TMEM238L: variants seen among roughly 807,000 people sequenced by gnomAD.
TMEM238L encodes transmembrane protein 238-like.
intron 1 of TMEM238L, among the ~76,000 whole-genome samples, chr17:10,796,765 C>T (rs562129080): frequency 1.3e-5 from 2 of 152,258 alleles, no homozygotes; most frequent in South Asian, 4.1e-4. Context: ...CTGGGAACTT[C>T]CATTTGGGCT....
exon 2 of TMEM238L, chr17:10,795,241 C>A (rs1428560926): frequency 6.6e-6 from 1 of 152,200 alleles, no homozygotes; most frequent in Non-Finnish European, 1.5e-5. Context: ...ATAGCAGAGG[C>A]CTAGCTGGCT....
chr17:10,800,628 G>A (rs1244265747), intron 1 of TMEM238L, among the ~76,000 whole-genome samples: 1 of 152,172 alleles, frequency 6.6e-6, no homozygotes, highest in East Asian at 1.9e-4. Context: ...GCATAGTGCT[G>A]AACAAATATT....
chr17:10,801,052 T>C (rs977490743), intron 1 of TMEM238L, among the ~76,000 whole-genome samples: 7 of 146,764 alleles, frequency 4.8e-5, no homozygotes, highest in African/African-American at 1.5e-4. Flanking sequence ...TCCTTTTTAC[T>C]GTTTTTTTTT....
At chr17:10,803,821 A>C (rs1904818530) in exon 1 of TMEM238L, 2 of 399,742 alleles carry the variant, frequency 5.0e-6, no homozygotes, top group East Asian at 7.1e-5. Flanking sequence ...ACCTGTGTAG[A>C]TGAAGAAGTC....
At chr17:10,800,469 C>A (rs1904703169) in intron 1 of TMEM238L, among the ~76,000 whole-genome samples, 1 of 152,194 alleles carries the variant, frequency 6.6e-6, no homozygotes, top group South Asian at 2.1e-4. Flanking sequence ...AAAACTCTAG[C>A]ATTCTGGAGC....
chr17:10,800,273 G>A (rs947052529), intron 1 of TMEM238L, among the ~76,000 whole-genome samples: 11 of 152,160 alleles, frequency 7.2e-5, no homozygotes, highest in African/African-American at 1.4e-4. Flanking sequence ...AAAATGATTC[G>A]CCCAAGGCCA....
At chr17:10,801,036 A>G (rs1231655469) in intron 1 of TMEM238L, among the ~76,000 whole-genome samples, 1 of 150,722 alleles carries the variant, frequency 6.6e-6, no homozygotes, top group Non-Finnish European at 1.5e-5. Flanking sequence ...TATCTCTTCA[A>G]TGGATTCCTT....
intron 1 of TMEM238L, among the ~76,000 whole-genome samples, chr17:10,801,878 C>T (rs1904758510): frequency 6.6e-6 from 1 of 151,986 alleles, no homozygotes; most frequent in Admixed American, 6.6e-5. Flanking sequence ...GCCTCCTGGG[C>T]TCCAGCAATC....
chr17:10,800,402 A>G (rs1218669181), intron 1 of TMEM238L, among the ~76,000 whole-genome samples: 1 of 152,244 alleles, frequency 6.6e-6, no homozygotes, highest in Non-Finnish European at 1.5e-5. Flanking sequence ...ATGGAGATGC[A>G]GTAAAGAATA....
At chr17:10,803,724 T>C (rs1254403553) in exon 1 of TMEM238L, 2 of 399,372 alleles carry the variant, frequency 5.0e-6, no homozygotes, top group Non-Finnish European at 8.8e-6. Context: ...CATGGCCAAA[T>C]TACAGGTCCA....
At chr17:10,801,050 A>AC (rs1378221704) in intron 1 of TMEM238L, among the ~76,000 whole-genome samples, 22 of 144,282 alleles carry the variant, frequency 1.5e-4, no homozygotes, top group African/African-American at 5.4e-4. Context: ...ATTCCTTTTT[A>AC]CTGTTTTTTT....
At chr17:10,803,112 G>T (rs889853917) in intron 1 of TMEM238L, among the ~76,000 whole-genome samples, 1 of 152,054 alleles carries the variant, frequency 6.6e-6, no homozygotes, top group Non-Finnish European at 1.5e-5. Flanking sequence ...GGAAGTGAAC[G>T]AGAGGGGCCG....
At chr17:10,795,485 C>G (rs1904513636) in exon 2 of TMEM238L, 1 of 152,256 alleles carries the variant, frequency 6.6e-6, no homozygotes, top group Admixed American at 6.5e-5. Flanking sequence ...TACAGTGGAA[C>G]CCTCCAGGAG....
At chr17:10,799,029 TG>T (rs550786727) in intron 1 of TMEM238L, among the ~76,000 whole-genome samples, 6 of 150,356 alleles carry the variant, frequency 4.0e-5, no homozygotes, top group Non-Finnish European at 8.9e-5. Flanking sequence ...TGAAACTTCC[TG>T]GGGGTGCCTT....
chr17:10,799,172 G>T (rs1462381324), intron 1 of TMEM238L, among the ~76,000 whole-genome samples: 1 of 152,144 alleles, frequency 6.6e-6, no homozygotes, highest in Non-Finnish European at 1.5e-5. Flanking sequence ...GGCAGGGTGG[G>T]GGCAGGTCCT....
chr17:10,802,526 T>G (rs539948164), intron 1 of TMEM238L: 26 of 152,726 alleles, frequency 1.7e-4, no homozygotes, highest in African/African-American at 6.3e-4. Flanking sequence ...CTTACCTTAC[T>G]CTACTGAGAC....
chr17:10,797,073 A>T (rs959417474), intron 1 of TMEM238L, among the ~76,000 whole-genome samples: 1 of 152,172 alleles, frequency 6.6e-6, no homozygotes, highest in Non-Finnish European at 1.5e-5. Context: ...CATAGGTTGT[A>T]GTTGCCTACC....
chr17:10,797,731 G>T (rs551460009), intron 1 of TMEM238L: 1 of 152,124 alleles, frequency 6.6e-6, no homozygotes, highest in East Asian at 1.9e-4. Flanking sequence ...AGGACAGGCC[G>T]TTCTCCACTC....
intron 1 of TMEM238L, among the ~76,000 whole-genome samples, chr17:10,800,752 T>C (rs116641622): frequency 0.012 from 1,774 of 152,296 alleles, 34 homozygotes; most frequent in Middle Eastern, 0.037. Context: ...TTGCCCCAAG[T>C]CACGTTGCTA....
Sources: gnomAD v4.1 joint callset for allele counts (sites outside exome capture counted in the v4.1 genomes callset) on GRCh38, gnomAD v4.1.1 for gene constraint, MANE v1.5 for transcripts, NCBI Gene and HGNC (gene_info 2026-07-23, HGNC 2026-07-21) for gene names.